The following CCDC91 variants were observed in gnomAD, a reference collection of about 807,000 sequenced individuals.
CCDC91 encodes the protein coiled-coil domain-containing protein 91.
A neutral mutation model predicts 63.2 loss-of-function variants in CCDC91; 48 were observed. That is an observed-to-expected ratio of 0.76 (90% CI 0.60 to 0.97). The LOEUF is 0.97. CCDC91 is among the 50% of genes least tolerant of loss of function. CCDC91 has a pLI of 0.00. For missense variants in CCDC91, 500 were observed against 494.6 expected, an observed-to-expected ratio of 1.01 and a Z score of -0.10; for synonymous variants, 167 against 165.8, an observed-to-expected ratio of 1.01 and a Z score of -0.06.
intron 7 of CCDC91, among the ~76,000 whole-genome samples, chr12:28,375,272 G>A (rs1944875280): frequency 6.6e-6 from 1 of 151,758 alleles, no homozygotes; most frequent in Admixed American, 6.6e-5. Flanking sequence ...GAAATATTAG[G>A]TATTATCATT....
chr12:28,339,295 T>G (rs1942245316), intron 6 of CCDC91, among the ~76,000 whole-genome samples: 1 of 152,168 alleles, frequency 6.6e-6, no homozygotes, highest in South Asian at 2.1e-4. Context: ...AGAAAATGTT[T>G]GGAGAGGTGA....
At chr12:28,279,291 T>A (rs1183400986) in intron 3 of CCDC91, among the ~76,000 whole-genome samples, 17 of 152,102 alleles carry the variant, frequency 1.1e-4, no homozygotes, top group Admixed American at 1.1e-3. Flanking sequence ...AACTGTCTTG[T>A]TTATATTTGT....
chr12:28,380,122 A>G (rs1260787418), intron 7 of CCDC91, among the ~76,000 whole-genome samples: 1 of 152,122 alleles, frequency 6.6e-6, no homozygotes, highest in Non-Finnish European at 1.5e-5. Flanking sequence ...GGAATTGAAC[A>G]ATGAGATCAC....
chr12:28,360,053 C>CA (rs1157947206), intron 6 of CCDC91, among the ~76,000 whole-genome samples: 1 of 152,088 alleles, frequency 6.6e-6, no homozygotes, highest in Non-Finnish European at 1.5e-5. Context: ...GGAGCTCCCA[C>CA]AAAAATGGGA....
intron 1 of CCDC91, among the ~76,000 whole-genome samples, chr12:28,241,593 G>A (rs1945339212): frequency 6.6e-6 from 1 of 152,038 alleles, no homozygotes; most frequent in Admixed American, 6.5e-5. Flanking sequence ...TGTTTGTGGG[G>A]TTTACTATTG....
At chr12:28,457,800 A>T (rs1472408007) in intron 11 of CCDC91, among the ~76,000 whole-genome samples, 1 of 152,038 alleles carries the variant, frequency 6.6e-6, no homozygotes, top group Non-Finnish European at 1.5e-5. Flanking sequence ...ATTGATTTTC[A>T]TATTAAATTA....
chr12:28,215,723 CAGACAT>C (rs1275106934), intron 1 of CCDC91, among the ~76,000 whole-genome samples: 22 of 152,090 alleles, frequency 1.4e-4, no homozygotes, highest in African/African-American at 5.1e-4. Context: ...TTTAGAAAGC[CAGACAT>C]AGACAGAAGC....
At chr12:28,270,482 A>C (rs1249618708) in intron 3 of CCDC91, among the ~76,000 whole-genome samples, 1 of 152,164 alleles carries the variant, frequency 6.6e-6, no homozygotes. Flanking sequence ...ATCAAATATT[A>C]CACACAATTT....
At chr12:28,234,443 T>G (rs1393023313) in intron 1 of CCDC91, among the ~76,000 whole-genome samples, 1 of 152,210 alleles carries the variant, frequency 6.6e-6, no homozygotes, top group Non-Finnish European at 1.5e-5. Flanking sequence ...TTACAAATAG[T>G]CAACTTTTTC....
intron 6 of CCDC91, among the ~76,000 whole-genome samples, chr12:28,320,532 A>T (rs1215221076): frequency 6.6e-6 from 1 of 151,814 alleles, no homozygotes; most frequent in African/African-American, 2.4e-5. Flanking sequence ...TATTTACTGT[A>T]TTTCCCACTT....
intron 7 of CCDC91, among the ~76,000 whole-genome samples, chr12:28,363,325 G>C (rs779655067): frequency 5.3e-5 from 8 of 151,952 alleles, no homozygotes; most frequent in African/African-American, 9.7e-5. Flanking sequence ...TCACTGACTT[G>C]GAGATATTTT....
intron 8 of CCDC91, among the ~76,000 whole-genome samples, chr12:28,397,465 A>T (rs1946361388): frequency 6.6e-6 from 1 of 152,134 alleles, no homozygotes; most frequent in Non-Finnish European, 1.5e-5. Flanking sequence ...AGCTCATTTA[A>T]ATGTATGGGC....
intron 3 of CCDC91, among the ~76,000 whole-genome samples, chr12:28,260,978 A>G (rs561371017): frequency 6.6e-6 from 1 of 152,160 alleles, no homozygotes; most frequent in Admixed American, 6.6e-5. Flanking sequence ...TTATCATTTG[A>G]TACACATAAC....
intron 12 of CCDC91, among the ~76,000 whole-genome samples, chr12:28,522,712 G>GTGC (rs2141463653): frequency 6.6e-6 from 1 of 151,938 alleles, no homozygotes; most frequent in South Asian, 2.1e-4. Context: ...TGGGCATTTA[G>GTGC]TGCTATAAAT....
intron 1 of CCDC91, among the ~76,000 whole-genome samples, chr12:28,253,845 T>A (rs1474440833): frequency 6.6e-6 from 1 of 152,236 alleles, no homozygotes; most frequent in Non-Finnish European, 1.5e-5. Context: ...AGGCATTTAA[T>A]GATGCTTCCA....
chr12:28,222,593 C>CT (rs1354945115), intron 1 of CCDC91, among the ~76,000 whole-genome samples: 6 of 152,174 alleles, frequency 3.9e-5, no homozygotes, highest in Non-Finnish European at 7.3e-5. Flanking sequence ...TCAGCTGCTA[C>CT]TTAGAATACA....
intron 1 of CCDC91, among the ~76,000 whole-genome samples, chr12:28,246,644 T>C (rs532441098): frequency 6.6e-6 from 1 of 152,240 alleles, no homozygotes; most frequent in African/African-American, 2.4e-5. Flanking sequence ...GTTTTAGAAA[T>C]AGTTATACAG....
intron 7 of CCDC91, among the ~76,000 whole-genome samples, chr12:28,384,160 G>A (rs1228180876): frequency 6.6e-6 from 1 of 151,912 alleles, no homozygotes; most frequent in Non-Finnish European, 1.5e-5. Context: ...ATGATAAAAT[G>A]GAGAATGTAA....
At chr12:28,361,648 A>T in intron 6 of CCDC91, among the ~76,000 whole-genome samples, 1 of 150,842 alleles carries the variant, frequency 6.6e-6, no homozygotes, top group Non-Finnish European at 1.5e-5. Context: ...TCATCTATTG[A>T]GTTATTAATA....
Sources: allele counts gnomAD v4.1 joint callset (sites outside exome capture counted in the v4.1 genomes callset), GRCh38; gene constraint gnomAD v4.1.1; transcripts MANE v1.5; gene names NCBI Gene and HGNC (gene_info 2026-07-23, HGNC 2026-07-21).